Variants in KLHL13 observed in about 807,000 individuals in gnomAD.
The protein encoded by KLHL13 is kelch like family member 13, also known as kelch-like protein 13.
KLHL13 carries 10 observed loss-of-function variants against 37.1 expected under a neutral mutation model. The observed-to-expected ratio is 0.27, with a 90% CI of 0.17 to 0.46. KLHL13 has a LOEUF of 0.46. Ranked by LOEUF, KLHL13 falls within the 20% of genes least tolerant of loss-of-function variation. The pLI, the probability that KLHL13 is intolerant of heterozygous loss-of-function variation, is 1.00. For synonymous variants in KLHL13, 163 were observed against 181.2 expected (o/e 0.90, Z 0.81); for missense variants, 360 against 509.3 (o/e 0.71, Z 2.82).
chrX:117,985,634 T>A (rs192382628), intron 1 of KLHL13, among the ~76,000 whole-genome samples: 15 of 110,158 alleles, frequency 1.4e-4, no homozygotes, highest in Admixed American at 1.3e-3. Context: ...GGAGCAAAGG[T>A]GGAGTGAGAC....
intron 2 of KLHL13, among the ~76,000 whole-genome samples, chrX:117,922,272 G>T (rs1931751097): frequency 9.0e-6 from 1 of 110,996 alleles, no homozygotes; most frequent in African/African-American, 3.3e-5. Flanking sequence ...GATATATGGG[G>T]TCTAAATTGC....
intron 1 of KLHL13, among the ~76,000 whole-genome samples, chrX:117,949,705 A>T (rs931335510): frequency 4.5e-5 from 5 of 112,308 alleles, no homozygotes; most frequent in Non-Finnish European, 9.4e-5. Flanking sequence ...TAAAATGTGT[A>T]CTTCAATTTC....
intron 1 of KLHL13, among the ~76,000 whole-genome samples, chrX:117,963,514 G>A (rs1015552041): frequency 2.0e-4 from 22 of 109,978 alleles, no homozygotes; most frequent in Non-Finnish European, 3.2e-4. Flanking sequence ...TGTGAATAGT[G>A]CCGCAATAAA....
At chrX:117,939,331 G>A (rs778745678) in intron 2 of KLHL13, among the ~76,000 whole-genome samples, 1 of 112,273 alleles carries the variant, frequency 8.9e-6, no homozygotes, top group South Asian at 3.7e-4. Context: ...TGTTTATCCA[G>A]TCTATCATTG....
intron 2 of KLHL13, among the ~76,000 whole-genome samples, chrX:117,922,692 T>C (rs1390098310): frequency 8.9e-6 from 1 of 111,760 alleles, no homozygotes; most frequent in Non-Finnish European, 1.9e-5. Flanking sequence ...GAACCAGGAG[T>C]TGGGGAGAAA....
At chrX:118,013,680 A>G (rs945469180) in intron 1 of KLHL13, among the ~76,000 whole-genome samples, 2 of 112,013 alleles carry the variant, frequency 1.8e-5, no homozygotes, top group Non-Finnish European at 3.8e-5. Flanking sequence ...AATAGAAGGA[A>G]AAAAGATAAA....
At chrX:118,094,890 G>A (rs1302050772) in intron 1 of KLHL13, among the ~76,000 whole-genome samples, 2 of 111,380 alleles carry the variant, frequency 1.8e-5, no homozygotes, top group Admixed American at 1.9e-4. Flanking sequence ...CCTGAAGGAA[G>A]CACTAAACAT....
At position 117,919,750 on chromosome X, in the gene KLHL13, T is replaced by C. The variant is rs768995286; in HGVS notation, c.374-33A>G. ...AAAAAGACATTCAATTAAATGAAGG[T>C]GGATAATTATGGTCAAACTCACTTC... On this transcript the variant is annotated intron_variant, in intron 3 of 6. Coordinates refer to ENST00000262820, the Ensembl canonical transcript of KLHL13. 1.1e-5 allele frequency: 11 copies of C among 1,033,827 alleles called. No individual in the cohort carries two copies. The East Asian group carries it at 3.3e-4, about 31-fold the overall frequency. The allele number at this position is 1,033,827 out of a possible 1,213,427, so 85.2% of individuals were successfully genotyped here.
intron 1 of KLHL13, among the ~76,000 whole-genome samples, chrX:118,012,031 G>A (rs2054075686): frequency 8.9e-6 from 1 of 111,857 alleles, no homozygotes; most frequent in South Asian, 3.8e-4. Flanking sequence ...ATATCTTGTA[G>A]ACAGAGTCAG....
At chrX:118,072,974 T>G (rs756940242) in intron 1 of KLHL13, among the ~76,000 whole-genome samples, 1 of 109,596 alleles carries the variant, frequency 9.1e-6, no homozygotes, top group African/African-American at 3.3e-5. Flanking sequence ...AGTGCCTCTA[T>G]TGCCAGCTAC....
intron 2 of KLHL13, among the ~76,000 whole-genome samples, chrX:117,930,290 AAGGCAGGCAGGC>A (rs1166028829): frequency 1.0e-4 from 8 of 77,997 alleles, no homozygotes; most frequent in Non-Finnish European, 1.6e-4. Context: ...GGAAGGAAGG[AAGGCAGGCAGGC>A]AGGCAGGCAG....
intron 1 of KLHL13, among the ~76,000 whole-genome samples, chrX:118,088,288 A>C (rs2055077411): frequency 8.9e-6 from 1 of 112,006 alleles, no homozygotes; most frequent in African/African-American, 3.2e-5. Flanking sequence ...AATTTCGATG[A>C]GAATTATGTG....
chrX:117,992,100 G>A (rs972454743), intron 1 of KLHL13, among the ~76,000 whole-genome samples: 1 of 110,166 alleles, frequency 9.1e-6, no homozygotes, highest in Non-Finnish European at 1.9e-5. Flanking sequence ...TGCCCTGAGG[G>A]AATGAGGCAG....
At chrX:118,079,228 C>T (rs146302709) in intron 1 of KLHL13, among the ~76,000 whole-genome samples, 9,044 of 109,727 alleles carry the variant, frequency 0.082, 329 homozygotes, top group African/African-American at 0.13. Flanking sequence ...AAAGATTCAG[C>T]CATCTCTAGC....
intron 1 of KLHL13, among the ~76,000 whole-genome samples, chrX:117,963,300 T>C (rs759706594): frequency 9.0e-6 from 1 of 111,698 alleles, no homozygotes; most frequent in African/African-American, 3.2e-5. Context: ...AATATAATTT[T>C]ATTTTAAACT....
At chrX:118,031,956 T>C (rs1353962393) in intron 1 of KLHL13, among the ~76,000 whole-genome samples, 1 of 110,065 alleles carries the variant, frequency 9.1e-6, no homozygotes, top group African/African-American at 3.3e-5. Context: ...GGTGTTCCCT[T>C]TCCTAGTCAG....
chrX:118,041,230 T>C (rs925220612), intron 1 of KLHL13, among the ~76,000 whole-genome samples: 1 of 112,034 alleles, frequency 8.9e-6, no homozygotes, highest in Non-Finnish European at 1.9e-5. Flanking sequence ...TAACAAGATA[T>C]AAATAGAAAC....
intron 1 of KLHL13, among the ~76,000 whole-genome samples, chrX:118,084,305 G>A (rs779762119): frequency 8.9e-6 from 1 of 112,044 alleles, no homozygotes; most frequent in East Asian, 2.8e-4. Flanking sequence ...ATGACAGAGT[G>A]AGACCCTGTC....
At chrX:118,086,284 A>G (rs1420685303) in intron 1 of KLHL13, among the ~76,000 whole-genome samples, 1 of 111,588 alleles carries the variant, frequency 9.0e-6, no homozygotes. Context: ...TAGATACCCA[A>G]TAGTGGGACT....
Sources: allele counts gnomAD v4.1 joint callset (sites outside exome capture counted in the v4.1 genomes callset), GRCh38; gene constraint gnomAD v4.1.1; transcripts MANE v1.5; gene names NCBI Gene and HGNC (gene_info 2026-07-23, HGNC 2026-07-21).